Variants in IFT74 observed in about 807,000 individuals in gnomAD.
IFT74 encodes intraflagellar transport 74, also known as intraflagellar transport protein 74 homolog.
A neutral mutation model predicts 96.7 loss-of-function variants in IFT74; 92 were observed. That is an observed-to-expected ratio of 0.95 (90% CI 0.80 to 1.13). IFT74 has a LOEUF of 1.13. IFT74 is among the 50% of genes most tolerant of loss of function. The probability of loss-of-function intolerance (pLI) is 0.00; values close to 1 mark genes in which losing one functional copy is unlikely to be tolerated. For synonymous variants in IFT74, 223 were observed against 213.2 expected, an observed-to-expected ratio of 1.05 and a Z score of -0.40; for missense variants, 811 against 698.2, an observed-to-expected ratio of 1.16 and a Z score of -1.82.
upstream of IFT74, among the ~76,000 whole-genome samples, chr9:26,951,876 T>G (rs926165017): frequency 3.3e-5 from 5 of 152,096 alleles, no homozygotes; most frequent in Non-Finnish European, 7.4e-5. Context: ...CCAGCCTGGG[T>G]GAAACAGCAA....
At chr9:26,973,512 A>G (rs1225062907) in intron 2 of IFT74, among the ~76,000 whole-genome samples, 1 of 152,114 alleles carries the variant, frequency 6.6e-6, no homozygotes, top group South Asian at 2.1e-4. Context: ...AGACATCAGG[A>G]TGAATGTATT....
chr9:26,979,479 T>C (rs59478807), intron 3 of IFT74, among the ~76,000 whole-genome samples: 9,429 of 152,130 alleles, frequency 0.062, 337 homozygotes, highest in South Asian at 0.13. Flanking sequence ...ACAAGTATAC[T>C]TCAAAGCCTT....
rs776651068 is a variant in IFT74, at chr9:26,999,673, T to C, written c.588-9347T>C. 9 of 1,609,880 alleles carry C rather than the reference T, an allele frequency of 5.6e-6. No individual in the cohort carries two copies. The Admixed American group carries it at 1.2e-4, about 21-fold the overall frequency. ...ATCATGGAGAGGGGCCAAAAGAGGA[T>C]TGTGATGCCTGTGACTTTCATGTTG... On this transcript the variant is annotated intron_variant, in intron 8 of 19. Coordinates refer to ENST00000380062, the MANE Select transcript of IFT74 (RefSeq NM_025103.4).
chr9:26,990,112 C>T, intron 7 of IFT74, 22 bp from the exon 8 acceptor site: 2 of 1,447,622 alleles, frequency 1.4e-6, no homozygotes, highest in Non-Finnish European at 1.8e-6. Context: ...TTCTTACTAA[C>T]TTATGTGTTA....
chr9:27,004,818 C>T (rs1391312024), intron 8 of IFT74, among the ~76,000 whole-genome samples: 1 of 151,548 alleles, frequency 6.6e-6, no homozygotes, highest in African/African-American at 2.4e-5. Flanking sequence ...CACAAAATTA[C>T]GTGCATTTTT....
Position 27,055,126 on chromosome 9 carries a change from G to C in IFT74, c.1334-483G>C, listed in dbSNP as rs570390843. On this transcript the variant is annotated intron_variant, in intron 16 of 19. Coordinates refer to ENST00000380062, the MANE Select transcript of IFT74 (RefSeq NM_025103.4). Reference sequence around the variant, plus strand: ...CTCTGTATTTCCTTTGGGAGCAATAGTTCAATATTTGCTAACTCATTGTTC... The same window carrying C: ...CTCTGTATTTCCTTTGGGAGCAATACTTCAATATTTGCTAACTCATTGTTC... Among the ~76,000 whole-genome samples the C allele has an allele frequency of 2.0e-5, 3 of 152,290 alleles. No individual in the cohort carries two copies. The South Asian group carries it at 6.2e-4, about 32-fold the overall frequency.
intron 9 of IFT74, 68 bp from the exon 10 acceptor site, chr9:27,011,837 CT>C: frequency 1.0e-6 from 1 of 969,886 alleles, no homozygotes; most frequent in Non-Finnish European, 1.5e-6. Context: ...TCCCAGCTCC[CT>C]CCCCCCACTA....
At chr9:26,948,400 C>T (rs1201311935) in intron 1 of IFT74, among the ~76,000 whole-genome samples, 3 of 142,560 alleles carry the variant, frequency 2.1e-5, no homozygotes, top group African/African-American at 7.6e-5. Flanking sequence ...CTGAAATATA[C>T]ACTTAATTGT....
chr9:27,035,207 A>G (rs547849797), intron 13 of IFT74, among the ~76,000 whole-genome samples: 1 of 152,350 alleles, frequency 6.6e-6, no homozygotes, highest in African/African-American at 2.4e-5. Context: ...ACTTTACTGC[A>G]GTTATTTTCC....
rs138352621 is a variant in IFT74 at position 27,051,495 on chromosome 9, A to G, written c.1333+3221A>G. Among the ~76,000 whole-genome samples, 32 of 152,322 alleles carry G rather than the reference A, an allele frequency of 2.1e-4. No individual in the cohort carries two copies. The East Asian group carries it at 6.0e-3, about 28-fold the overall frequency. ...AGTATACAGTACAGTAGTGTTAACT[A>G]TATGCACATTGTTGTGCCACGAATC... On this transcript the variant is annotated intron_variant, in intron 16 of 19. Coordinates refer to ENST00000380062, the MANE Select transcript of IFT74 (RefSeq NM_025103.4).
chr9:26,962,525 T>C (rs556424980), intron 2 of IFT74, among the ~76,000 whole-genome samples: 120 of 152,212 alleles, frequency 7.9e-4, no homozygotes, highest in Admixed American at 1.9e-3. Context: ...AAGAATTTAG[T>C]TAATGATTAA....
At chr9:26,959,398 C>T (rs758463404) in intron 1 of IFT74, among the ~76,000 whole-genome samples, 9 of 152,246 alleles carry the variant, frequency 5.9e-5, no homozygotes, top group Middle Eastern at 3.4e-3. Context: ...CATGAGCCAC[C>T]GCGCCCGGCT....
At chr9:27,019,290 A>G (rs1321776057) in intron 12 of IFT74, among the ~76,000 whole-genome samples, 1 of 152,000 alleles carries the variant, frequency 6.6e-6, no homozygotes, top group Non-Finnish European at 1.5e-5. Flanking sequence ...AGTCAGCCCA[A>G]TAAAACCCTG....
At position 26,962,009 on chromosome 9, in the gene IFT74, A is replaced by G. The variant is rs372863388; in HGVS notation, c.42A>G (p.Ser14=). Residue 14 remains serine, a synonymous_variant, in exon 2 of 20, where the codon TCA becomes TCG. Transcript: ENST00000380062. The part of the protein sequence containing the change: ...NHKSSAARPV[S]RGGVGLTGRP... ...AATCTTCAGCAGCTCGCCCTGTTTC[A>G]AGAGGTGGAGTTGGGTTAACAGGAA... The G allele has an allele frequency of 6.8e-6, 11 of 1,614,064 alleles. No homozygotes were observed. In the African/African-American group the frequency reaches 1.5e-4, roughly 22 times the overall value.
intron 13 of IFT74, among the ~76,000 whole-genome samples, chr9:27,039,950 A>G (rs777001709): frequency 5.9e-5 from 9 of 152,214 alleles, no homozygotes; most frequent in Non-Finnish European, 1.2e-4. Flanking sequence ...ATGGAATTTT[A>G]TAGGCCCCCA....
Position 26,962,067 on chromosome 9 carries a change from A to G in IFT74, c.100A>G (p.Asn34Asp). 6.2e-7 allele frequency: 1 copy of G among 1,614,018 alleles called. No homozygotes were observed. The highest frequency in any genetic ancestry group is 2.2e-5 in the East Asian group (1 of 44,886). ...PPSGIRPLSG[N>D]IRVATAMPPG... Reference sequence around the variant, plus strand: ...TTCTGGGATACGACCCCTATCAGGAAATATTCGAGTGGCAACTGCAGTAAG... The same window carrying G: ...TTCTGGGATACGACCCCTATCAGGAGATATTCGAGTGGCAACTGCAGTAAG... The change falls in exon 2 of 20, where the codon AAT (asparagine) becomes GAT (aspartate). Residue 34 changes from asparagine (N) to aspartate (D), a missense_variant. Asn to Asp is a conservative substitution (Grantham distance 23, BLOSUM62 1). Transcript: ENST00000380062.
intron 10 of IFT74, among the ~76,000 whole-genome samples, chr9:27,012,708 GTTTTTTTTT>G (rs772920018): frequency 1.9e-5 from 1 of 53,866 alleles, no homozygotes; most frequent in East Asian, 6.3e-4. Flanking sequence ...AAAAATGTCT[GTTTTTTTTT>G]TTTTTTTTTT....
chr9:27,059,062 G>A (rs1686454136), intron 18 of IFT74, among the ~76,000 whole-genome samples: 1 of 151,856 alleles, frequency 6.6e-6, no homozygotes, highest in African/African-American at 2.4e-5. Flanking sequence ...AAGGTGGAAA[G>A]CACTTGAAAA....
At chr9:27,032,322 A>G (rs1830164831) in intron 13 of IFT74, among the ~76,000 whole-genome samples, 1 of 152,014 alleles carries the variant, frequency 6.6e-6, no homozygotes, top group African/African-American at 2.4e-5. Flanking sequence ...TTTTTGCTAT[A>G]GTTTTAGTGG....
Sources: gnomAD v4.1 joint callset for allele counts (sites outside exome capture counted in the v4.1 genomes callset) on GRCh38, gnomAD v4.1.1 for gene constraint, MANE v1.5 for transcripts, NCBI Gene and HGNC (gene_info 2026-07-23, HGNC 2026-07-21) for gene names.